SRPRB: variants seen among roughly 807,000 people sequenced by gnomAD.
SRPRB encodes the protein signal recognition particle receptor subunit beta.
SRPRB carries 20 observed loss-of-function variants against 31.9 expected under a neutral mutation model. That is an observed-to-expected ratio of 0.63 (90% CI 0.44 to 0.91). The LOEUF (loss-of-function observed/expected upper bound fraction) is 0.91. SRPRB is among the 40% of genes least tolerant of loss of function. The probability of loss-of-function intolerance (pLI) is 0.00; values close to 1 mark genes in which losing one functional copy is unlikely to be tolerated. For synonymous variants in SRPRB, 146 were observed against 132.8 expected (o/e 1.10, Z -0.68); for missense variants, 321 against 324.9 (o/e 0.99, Z 0.09).
At chr3:133,806,107 G>A in intron 1 of SRPRB, 105 bp downstream of exon 1, 3 of 1,425,862 alleles carry the variant, frequency 2.1e-6, no homozygotes, top group Non-Finnish European at 2.8e-6. Context: ...GCGCCTTGAG[G>A]GCATCAGGAG....
At chr3:133,805,552 CATTCATTTT>C, upstream of SRPRB, 1 of 286,836 alleles carries the variant, frequency 3.5e-6, no homozygotes, top group East Asian at 6.0e-5. Context: ...GGGAGCCATT[CATTCATTTT>C]ATTCATTTCA....
chr3:133,797,544 A>T (rs976412569), intron 1 of SRPRB, among the ~76,000 whole-genome samples: 7 of 152,230 alleles, frequency 4.6e-5, no homozygotes, highest in African/African-American at 1.7e-4. Context: ...AACACCCTTT[A>T]TGCATTTTTG....
chr3:133,795,553 C>G (rs565394058), intron 1 of SRPRB: 2 of 150,936 alleles, frequency 1.3e-5, no homozygotes, highest in East Asian at 1.9e-4. Context: ...AAGTGAGAAC[C>G]TGACCAAAAA....
Position 133,811,140 on chromosome 3 carries a change from C to A in SRPRB, c.351C>A (p.Asp117Glu). 6.2e-7 allele frequency: 1 copy of A among 1,614,182 alleles called. No individual in the cohort carries two copies. Among genetic ancestry groups the A allele is most frequent in the Middle Eastern group, 1.6e-4 (1 of 6,062 alleles). ...AGGGCAATAGTCTGACCTTGATTGA[C>A]CTTCCCGGCCATGAGAGTTTGAGGC... is the stretch of plus-strand genomic sequence containing the variant. ...NNRGNSLTLI[D>E]LPGHESLRLQ... Residue 117 changes from aspartate to glutamate, a missense_variant, in exon 4 of 7, where the codon GAC becomes GAA. Asp to Glu is a conservative substitution (Grantham distance 45, BLOSUM62 2). Transcript: ENST00000678299.
rs1935431044 is a variant in SRPRB at position 133,819,582 on chromosome 3, C to T, written c.632C>T (p.Ala211Val). 2 of 1,614,142 alleles carry T rather than the reference C, an allele frequency of 1.2e-6. No individual in the cohort carries two copies. Among genetic ancestry groups the T allele is most frequent in the African/African-American group, 2.7e-5 (2 of 75,064 alleles). Residue 211 changes from alanine to valine, a missense_variant, in exon 7 of 7, where the codon GCC becomes GTC. Ala to Val is a moderately conservative substitution (Grantham distance 64). Coordinates refer to ENST00000678299, the MANE Select transcript of SRPRB (RefSeq NM_001379313.1). ...LNTLRVTRSA[A>V]PSTLDSSSTA... ...ACCTTACGAGTTACCCGTTCTGCTG[C>T]CCCCAGCACACTGGACAGTTCCAGC...
intron 1 of SRPRB, chr3:133,795,484 G>C (rs1466116283): frequency 6.6e-6 from 1 of 151,870 alleles, no homozygotes. Flanking sequence ...AAAGCCCAAA[G>C]TGTTGGTAAC....
At chr3:133,802,972 C>T (rs1475962511), upstream of SRPRB, among the ~76,000 whole-genome samples, 1 of 152,208 alleles carries the variant, frequency 6.6e-6, no homozygotes, top group African/African-American at 2.4e-5. Context: ...ACACCCACCA[C>T]CTAGGATGCA....
At chr3:133,825,176 C>T (rs1935538750), downstream of SRPRB, 1 of 152,220 alleles carries the variant, frequency 6.6e-6, no homozygotes. Flanking sequence ...CCCATCTCAT[C>T]CTGACATCCT....
At chr3:133,806,218 G>C (rs1935155083) in intron 1 of SRPRB, among the ~76,000 whole-genome samples, 1 of 152,222 alleles carries the variant, frequency 6.6e-6, no homozygotes, top group African/African-American at 2.4e-5. Flanking sequence ...TTAACGTCCT[G>C]GTCCTTGGGG....
intron 6 of SRPRB, among the ~76,000 whole-genome samples, chr3:133,818,426 T>G (rs1335625179): frequency 6.6e-6 from 1 of 152,192 alleles, no homozygotes; most frequent in Non-Finnish European, 1.5e-5. Context: ...TGACAAATTG[T>G]AAAGGTTAAC....
chr3:133,810,380 T>C (rs1935238230), intron 3 of SRPRB: 1 of 152,168 alleles, frequency 6.6e-6, no homozygotes, highest in African/African-American at 2.4e-5. Context: ...TCTAAGAGTC[T>C]TATTGTTGAG....
chr3:133,796,234 G>C (rs1401764725), intron 1 of SRPRB: 1 of 152,986 alleles, frequency 6.5e-6, no homozygotes, highest in Non-Finnish European at 1.5e-5. Flanking sequence ...TCACTAGAAA[G>C]AGCAGAGCAG....
chr3:133,806,409 G>T, intron 1 of SRPRB, 200 bp from the exon 2 acceptor site: 1 of 557,010 alleles, frequency 1.8e-6, no homozygotes, highest in Middle Eastern at 3.1e-4. Context: ...AGTAAGGACT[G>T]CAAAGAAAAG....
At chr3:133,796,373 G>A (rs1934972227) in intron 1 of SRPRB, 1 of 152,192 alleles carries the variant, frequency 6.6e-6, no homozygotes, top group South Asian at 2.1e-4. Context: ...AGGGAAATGA[G>A]GCAGAAGAAT....
chr3:133,817,762 A>G (rs931044168), intron 6 of SRPRB, among the ~76,000 whole-genome samples: 1 of 152,156 alleles, frequency 6.6e-6, no homozygotes, highest in African/African-American at 2.4e-5. Context: ...TCCCTTATTC[A>G]TTTAAGAAGC....
intron 1 of SRPRB, chr3:133,791,352 G>A (rs1040737293): frequency 1.3e-5 from 2 of 152,038 alleles, no homozygotes; most frequent in Non-Finnish European, 2.9e-5. Context: ...CTTAATTCAT[G>A]GCAATGTGTT....
chr3:133,790,650 G>A (rs1005905859), intron 1 of SRPRB: 12 of 152,164 alleles, frequency 7.9e-5, no homozygotes, highest in South Asian at 2.1e-4. Flanking sequence ...GAAATGCATC[G>A]GCAGTTTGGC....
upstream of SRPRB, among the ~76,000 whole-genome samples, chr3:133,805,295 C>T (rs1935129642): frequency 6.6e-6 from 1 of 152,178 alleles, no homozygotes; most frequent in Non-Finnish European, 1.5e-5. Context: ...CTGCACAGCA[C>T]CTTTTTTTCC....
downstream of SRPRB, chr3:133,826,577 A>C (rs1420505778): frequency 6.5e-6 from 1 of 152,690 alleles, no homozygotes; most frequent in East Asian, 1.9e-4. Flanking sequence ...GAGGTAAGTA[A>C]GCACTCTTCC....
Sources: gnomAD v4.1 joint callset for allele counts (sites outside exome capture counted in the v4.1 genomes callset) on GRCh38, gnomAD v4.1.1 for gene constraint, MANE v1.5 for transcripts, NCBI Gene and HGNC (gene_info 2026-07-23, HGNC 2026-07-21) for gene names.